Variants in BAZ2B observed in about 807,000 individuals in gnomAD.
BAZ2B encodes bromodomain adjacent to zinc finger domain protein 2B.
In BAZ2B, 91 loss-of-function variants were observed where a neutral mutation model predicts 246.0. That is an observed-to-expected ratio of 0.37 (90% confidence interval 0.31 to 0.44). BAZ2B has a LOEUF of 0.44. BAZ2B is among the 20% of genes least tolerant of loss of function. The probability of loss-of-function intolerance (pLI) is 1.00; values close to 1 mark genes in which losing one functional copy is unlikely to be tolerated. For missense variants in BAZ2B, 2,332 were observed against 2,533.7 expected, an observed-to-expected ratio of 0.92 and a Z score of 1.71; for synonymous variants, 855 against 860.0, an observed-to-expected ratio of 0.99 and a Z score of 0.10.
At chr2:159,502,626 C>T (rs1023628881) in intron 2 of BAZ2B, among the ~76,000 whole-genome samples, 1 of 152,002 alleles carries the variant, frequency 6.6e-6, no homozygotes, top group Non-Finnish European at 1.5e-5. Flanking sequence ...AGAGCAAGAC[C>T]GTCTCCAAAA....
At chr2:159,562,678 T>A (rs2089991683) in intron 1 of BAZ2B, among the ~76,000 whole-genome samples, 1 of 152,222 alleles carries the variant, frequency 6.6e-6, no homozygotes, top group Admixed American at 6.5e-5. Context: ...CTTTTATTTA[T>A]CTAACTACAA....
chr2:159,418,189 CT>C (rs1348805534), intron 13 of BAZ2B, among the ~76,000 whole-genome samples: 1 of 152,130 alleles, frequency 6.6e-6, no homozygotes, highest in Non-Finnish European at 1.5e-5. Flanking sequence ...TATTGCTCAA[CT>C]TTTTTATGAC....
the BAZ2B span, among the ~76,000 whole-genome samples, chr2:159,621,774 G>A: frequency 2.7e-3 from 403 of 151,480 alleles, 2 homozygotes; most frequent in African/African-American, 9.2e-3. Flanking sequence ...GACCAGCCTG[G>A]GCAACATAGC....
chr2:159,537,550 C>T (rs1466402993), intron 2 of BAZ2B, among the ~76,000 whole-genome samples: 3 of 152,206 alleles, frequency 2.0e-5, no homozygotes, highest in Admixed American at 6.5e-5. Context: ...TGTAGAGCTT[C>T]GCCTGTACCT....
the BAZ2B span, among the ~76,000 whole-genome samples, chr2:159,644,226 C>T: frequency 1.3e-5 from 2 of 152,184 alleles, no homozygotes; most frequent in African/African-American, 4.8e-5. Flanking sequence ...TTCAAAAATA[C>T]AATGGTGGGC....
chr2:159,673,644 C>T, the BAZ2B span, among the ~76,000 whole-genome samples: 11 of 151,402 alleles, frequency 7.3e-5, no homozygotes, highest in African/African-American at 2.7e-4. Flanking sequence ...TGGACACCCA[C>T]AGACTGCACA....
rs1337795439 is a variant in BAZ2B, at chr2:159,404,945, G to C, written c.2771-35C>G. The C allele has an allele frequency of 1.9e-6, 3 of 1,611,964 alleles. No individual in the cohort carries two copies. The South Asian group carries it at 3.3e-5, about 18-fold the overall frequency. ...ACCAAAGGATAGATATCATCAAAAAGGGAATGAAGAAAAGAAAACTCTTAT... is the reference window on the plus strand; with the variant it reads ...ACCAAAGGATAGATATCATCAAAAACGGAATGAAGAAAAGAAAACTCTTAT... On this transcript the variant is annotated intron_variant, in intron 15 of 36. Transcript: ENST00000392783.
At chr2:159,707,641 C>G in the BAZ2B span, among the ~76,000 whole-genome samples, 1 of 152,074 alleles carries the variant, frequency 6.6e-6, no homozygotes, top group African/African-American at 2.4e-5. Context: ...GCCTGAATAA[C>G]ATGATAAAAC....
chr2:159,560,246 T>C (rs940103544), intron 1 of BAZ2B, among the ~76,000 whole-genome samples: 8 of 152,228 alleles, frequency 5.3e-5, no homozygotes, highest in African/African-American at 1.4e-4. Context: ...TTTCTCACTT[T>C]GCTCAATCTT....
In BAZ2B at chr2:159,469,238, A is replaced by G. The variant is rs186114927; in HGVS notation, c.145+9337T>C. On this transcript the variant is annotated intron_variant, in intron 3 of 36. Coordinates refer to ENST00000392783, the MANE Select transcript of BAZ2B (RefSeq NM_013450.4). Reference sequence around the variant, plus strand: ...AAAAGAAAAGACATAAGTTATGTATATCAACGATGAAAGAAAAAATCTCTC... The same window carrying G: ...AAAAGAAAAGACATAAGTTATGTATGTCAACGATGAAAGAAAAAATCTCTC... Among the ~76,000 whole-genome samples the G allele has an allele frequency of 1.3e-3, 193 of 152,206 alleles. 1 individual carries two copies. The highest frequency in any genetic ancestry group is 4.3e-3 in the African/African-American group (177 of 41,554).
At chr2:159,449,237 G>C (rs985958748) in intron 4 of BAZ2B, among the ~76,000 whole-genome samples, 4 of 152,070 alleles carry the variant, frequency 2.6e-5, no homozygotes, top group African/African-American at 4.8e-5. Flanking sequence ...ATTTTTCAAG[G>C]AAGGATGAAG....
chr2:159,579,661 T>A (rs1686243873), intron 1 of BAZ2B, among the ~76,000 whole-genome samples: 1 of 152,180 alleles, frequency 6.6e-6, no homozygotes, highest in African/African-American at 2.4e-5. Context: ...TGAACATCGA[T>A]GCAAAAATCC....
intron 16 of BAZ2B, among the ~76,000 whole-genome samples, chr2:159,403,506 A>G (rs2065419901): frequency 6.6e-6 from 1 of 152,172 alleles, no homozygotes; most frequent in South Asian, 2.1e-4. Context: ...TTTTTCAATA[A>G]AAGTATAACA....
In BAZ2B at chr2:159,337,658, T is replaced by A; in HGVS notation, c.5569A>T (p.Ser1857Cys). The change falls in exon 32 of 37, where the codon AGC becomes TGC. Residue 1857 changes from serine to cysteine, a missense_variant. Around this residue, in one of 9 missense-constraint regions of BAZ2B, gnomAD observed 676 missense variants for 668.6 expected, o/e 1.01. Transcript: ENST00000392783. The part of the protein sequence containing the change: ...HDGEFTGEDE[S>C]SAHALERKSD... The stretch of plus-strand genomic sequence containing the variant: ...TTCCGTTCTAGTGCATGTGCACTGC[T>A]TTCGTCTTCGCCAGTAAATTCTCCA... 2.5e-6 allele frequency: 4 copies of A among 1,614,222 alleles called. No homozygotes were observed. The South Asian group carries it at 4.4e-5, about 18-fold the overall frequency.
intron 2 of BAZ2B, among the ~76,000 whole-genome samples, chr2:159,509,539 T>G (rs984535604): frequency 6.6e-6 from 1 of 152,198 alleles, no homozygotes; most frequent in East Asian, 1.9e-4. Flanking sequence ...GAAGCCAGTA[T>G]TCATTCAGCC....
At chr2:159,390,681 T>C (rs1008431279) in intron 20 of BAZ2B, among the ~76,000 whole-genome samples, 3 of 152,114 alleles carry the variant, frequency 2.0e-5, no homozygotes, top group African/African-American at 7.2e-5. Context: ...TACAGTGTGT[T>C]TGAAAAATTG....
In BAZ2B at chr2:159,386,589, G is replaced by C. The variant is rs200801343; in HGVS notation, c.3235C>G (p.Arg1079Gly). Residue 1079 changes from arginine (R) to glycine (G), a missense_variant, in exon 22 of 37, where the codon CGT (arginine) becomes GGT (glycine). By Grantham distance (125) the Arg-to-Gly change is moderately radical. This residue lies in a region of BAZ2B where 328 missense variants were observed against 410.4 expected (regional missense o/e 0.80). Coordinates refer to ENST00000392783, the MANE Select transcript of BAZ2B (RefSeq NM_013450.4). ...ADQKPLPELP[R>G]IPGLVLSGST... Reference sequence around the variant, plus strand: ...CCAGAGAGAACAAGTCCTGGAATACGAGGCAACTCTGGCAAAGGCTGAAAA... The same window carrying C: ...CCAGAGAGAACAAGTCCTGGAATACCAGGCAACTCTGGCAAAGGCTGAAAA... 77 of 1,604,520 alleles carry C rather than the reference G, an allele frequency of 4.8e-5. No individual in the cohort carries two copies. The highest frequency in any genetic ancestry group is 6.3e-5 in the Non-Finnish European group (74 of 1,176,724).
rs377276155 is a variant in BAZ2B, at chr2:159,493,012, G to A, written c.-2-14291C>T. On this transcript the variant is annotated intron_variant, in intron 2 of 36. Transcript: ENST00000392783. ...CAGTTCTTTTGATCCTCAAAATACA[G>A]TAAACTAGTAAAACTAAAATATCTA... 3.0e-4 allele frequency among the ~76,000 whole-genome samples: 46 copies of A among 152,240 alleles called. 1 individual carries two copies. The highest frequency in any genetic ancestry group is 1.1e-3 in the African/African-American group (45 of 41,546).
rs10590482 is a variant in BAZ2B at position 159,335,543 on chromosome 2, C to CAA, written c.5796+1397_5796+1398dup. On this transcript the variant is annotated intron_variant, in intron 33 of 36. Transcript: ENST00000392783. ...AGCCTGGGCAACAGAGACTCTGTCT[C>CAA]AAAAAAAAAAAAAAAAAAAATTATA... Among the ~76,000 whole-genome samples the CAA allele has an allele frequency of 5.3e-5, 6 of 112,232 alleles. 1 individual carries two copies. The highest frequency in any genetic ancestry group is 1.9e-4 in the African/African-American group (6 of 31,180). The allele number at this position is 112,232 out of a possible 152,430, so 73.6% of individuals were successfully genotyped here.
Sources: allele counts gnomAD v4.1 joint callset (sites outside exome capture counted in the v4.1 genomes callset), GRCh38; gene constraint gnomAD v4.1.1; regional missense constraint gnomAD v4.1.1; transcripts MANE v1.5; gene names NCBI Gene and HGNC (gene_info 2026-07-23, HGNC 2026-07-21).